Variants in MACROD2 observed in about 807,000 individuals in gnomAD.
MACROD2 encodes the protein mono-ADP ribosylhydrolase 2.
A neutral mutation model predicts 70.4 loss-of-function variants in MACROD2; 36 were observed. The ratio of observed to expected loss-of-function variants is 0.51; its 90% CI spans 0.39 to 0.68. The LOEUF (loss-of-function observed/expected upper bound fraction) is 0.68. Ranked by LOEUF, MACROD2 falls within the 30% of genes least tolerant of loss-of-function variation. MACROD2 has a pLI of 0.00. For synonymous variants in MACROD2, 172 were observed against 178.8 expected, an observed-to-expected ratio of 0.96 and a Z score of 0.30; for missense variants, 496 against 538.4, an observed-to-expected ratio of 0.92 and a Z score of 0.78.
intron 8 of MACROD2, among the ~76,000 whole-genome samples, chr20:15,757,713 A>G (rs2051368456): frequency 6.6e-6 from 1 of 152,028 alleles, no homozygotes; most frequent in South Asian, 2.1e-4. Context: ...CCTCTTTCTC[A>G]TTTTCTTCTC....
chr20:14,381,787 C>A (rs573267578), intron 3 of MACROD2, among the ~76,000 whole-genome samples: 1 of 152,258 alleles, frequency 6.6e-6, no homozygotes, highest in Admixed American at 6.5e-5. Flanking sequence ...AAGAAAAATT[C>A]TAAATTCAGC....
intron 8 of MACROD2, chr20:15,552,453 A>C (rs1023164590): frequency 6.6e-6 from 1 of 152,162 alleles, no homozygotes; most frequent in Non-Finnish European, 1.5e-5. Flanking sequence ...GGCACTCAGG[A>C]TGTTAGGTTT....
chr20:14,022,303 T>C (rs1369568452), intron 2 of MACROD2, among the ~76,000 whole-genome samples: 1 of 152,176 alleles, frequency 6.6e-6, no homozygotes, highest in Non-Finnish European at 1.5e-5. Context: ...AATGCAAATA[T>C]AAAACTCAGT....
chr20:14,219,140 T>C lies in MACROD2; in HGVS notation c.271+133412T>C, dbSNP rs188042922. On this transcript the variant is annotated intron_variant, in intron 3 of 17. Transcript: ENST00000684519. Reference sequence around the variant, plus strand: ...CCCCCAAATATGTTTTCCGAGCTTTTAGAATTCTCCTCTTCCTCAGGAACA... The same window carrying C: ...CCCCCAAATATGTTTTCCGAGCTTTCAGAATTCTCCTCTTCCTCAGGAACA... Among the ~76,000 whole-genome samples the C allele has an allele frequency of 5.9e-5, 9 of 152,354 alleles. No homozygotes were observed. The East Asian group carries it at 1.7e-3, about 29-fold the overall frequency.
At chr20:14,517,037 A>G (rs1200667133) in intron 4 of MACROD2, among the ~76,000 whole-genome samples, 3 of 152,164 alleles carry the variant, frequency 2.0e-5, no homozygotes, top group African/African-American at 4.8e-5. Flanking sequence ...GTCAGGAAAG[A>G]ACAGATGCTG....
intron 2 of MACROD2, among the ~76,000 whole-genome samples, chr20:14,074,361 C>G (rs2053889810): frequency 6.6e-6 from 1 of 152,180 alleles, no homozygotes; most frequent in Non-Finnish European, 1.5e-5. Flanking sequence ...ATTCCTGGAT[C>G]TCTCATCCAG....
At chr20:14,980,630 C>A (rs949469164) in intron 5 of MACROD2, among the ~76,000 whole-genome samples, 8 of 152,110 alleles carry the variant, frequency 5.3e-5, no homozygotes, top group Admixed American at 2.6e-4. Flanking sequence ...ATCATTAAGG[C>A]CAGCATTTAA....
chr20:14,260,936 C>T (rs1601410041), intron 3 of MACROD2, among the ~76,000 whole-genome samples: 1 of 152,266 alleles, frequency 6.6e-6, no homozygotes, highest in Middle Eastern at 3.4e-3. Context: ...GGTATTCTTT[C>T]TTTGCTCTCC....
intron 3 of MACROD2, among the ~76,000 whole-genome samples, chr20:14,175,943 CTTG>C (rs1249635963): frequency 6.6e-6 from 1 of 152,286 alleles, no homozygotes; most frequent in African/African-American, 2.4e-5. Flanking sequence ...GAGGTTTAAT[CTTG>C]TTGTCCTAAT....
At chr20:15,667,993 C>T (rs184252825) in intron 8 of MACROD2, among the ~76,000 whole-genome samples, 49 of 152,032 alleles carry the variant, frequency 3.2e-4, no homozygotes, top group African/African-American at 1.1e-3. Flanking sequence ...TGGCTCACAC[C>T]GTGAGTGTGT....
chr20:14,116,170 C>T (rs973379691), intron 3 of MACROD2, among the ~76,000 whole-genome samples: 2 of 152,162 alleles, frequency 1.3e-5, no homozygotes, highest in South Asian at 4.1e-4. Context: ...CGGAGGCCTC[C>T]ACTCATAAAG....
chr20:14,947,824 G>A (rs1046827217), intron 5 of MACROD2, among the ~76,000 whole-genome samples: 12 of 152,296 alleles, frequency 7.9e-5, no homozygotes, highest in Non-Finnish European at 1.5e-4. Flanking sequence ...TGAAGGATCA[G>A]ATGTGGGATT....
Position 14,263,794 on chromosome 20 carries a change from C to CCACACA in MACROD2, c.271+178079_271+178084dup, listed in dbSNP as rs371327492. Among the ~76,000 whole-genome samples, 5 of 150,444 alleles carry CCACACA rather than the reference C, an allele frequency of 3.3e-5. No individual in the cohort carries two copies. In the East Asian group the frequency reaches 9.8e-4, roughly 29 times the overall value. ...TGGGAAACATGGTGAAATCCCGACT[C>CCACACA]CACACACACACACACACAACAAAAA... On this transcript the variant is annotated intron_variant, in intron 3 of 17. Transcript: ENST00000684519.
chr20:15,748,246 C>A (rs2051214070), intron 8 of MACROD2, among the ~76,000 whole-genome samples: 2 of 152,260 alleles, frequency 1.3e-5, no homozygotes, highest in South Asian at 4.1e-4. Context: ...GGGACTACTT[C>A]AGTCAAATTT....
At chr20:15,150,260 G>A (rs141934377) in intron 5 of MACROD2, among the ~76,000 whole-genome samples, 3,569 of 152,060 alleles carry the variant, frequency 0.023, 168 homozygotes, top group African/African-American at 0.082. Flanking sequence ...AAGTGAAAGC[G>A]AAGAGAGGCT....
At chr20:14,719,924 G>A (rs549018068) in intron 5 of MACROD2, among the ~76,000 whole-genome samples, 4 of 152,296 alleles carry the variant, frequency 2.6e-5, no homozygotes, top group East Asian at 1.9e-4. Flanking sequence ...TTCTGTGGAT[G>A]TGAGAGGTTA....
At chr20:14,117,038 G>C (rs1448536840) in intron 3 of MACROD2, among the ~76,000 whole-genome samples, 1 of 142,052 alleles carries the variant, frequency 7.0e-6, no homozygotes, top group Non-Finnish European at 1.5e-5. Context: ...CTGCACTCCA[G>C]CCTGGCGACA....
chr20:15,062,909 A>G (rs1020275490), intron 5 of MACROD2, among the ~76,000 whole-genome samples: 4 of 152,190 alleles, frequency 2.6e-5, no homozygotes, highest in Non-Finnish European at 2.9e-5. Flanking sequence ...GGACACCATC[A>G]AGAGGAAAAC....
intron 5 of MACROD2, among the ~76,000 whole-genome samples, chr20:14,853,173 C>CTGTATGTGTGTGTGTGTG (rs35279137): frequency 0.018 from 2,632 of 149,326 alleles, 55 homozygotes; most frequent in African/African-American, 0.051. Context: ...GTGTGTGTGT[C>CTGTATGTGTGTGTGTGTG]TGTGTGTGTG....
Sources: gnomAD v4.1 joint callset for allele counts (sites outside exome capture counted in the v4.1 genomes callset) on GRCh38, gnomAD v4.1.1 for gene constraint, MANE v1.5 for transcripts, NCBI Gene and HGNC (gene_info 2026-07-23, HGNC 2026-07-21) for gene names.